The following ANK3 variants were observed in gnomAD, a reference collection of about 807,000 sequenced individuals.
The protein encoded by ANK3 is ankyrin-3.
Under a neutral mutation model 370.9 loss-of-function variants are expected in ANK3, and 57 were observed. The ratio of observed to expected loss-of-function variants is 0.15; its 90% CI spans 0.12 to 0.19. The LOEUF is 0.19. Among genes scored for constraint, ANK3 ranks in the 10% least tolerant of loss-of-function variants. The pLI is 1.00. For missense variants in ANK3, 4,439 were observed against 5,302.1 expected, an observed-to-expected ratio of 0.84 and a Z score of 5.06; for synonymous variants, 1,929 against 1,946.3, an observed-to-expected ratio of 0.99 and a Z score of 0.23.
intron 1 of ANK3, among the ~76,000 whole-genome samples, chr10:60,687,370 A>C (rs1221715371): frequency 6.6e-6 from 1 of 152,194 alleles, no homozygotes; most frequent in African/African-American, 2.4e-5. Context: ...TAGGAACCTG[A>C]TTTTACAATG....
At chr10:60,453,670 C>CT (rs989184394) in intron 2 of ANK3, among the ~76,000 whole-genome samples, 4 of 151,626 alleles carry the variant, frequency 2.6e-5, no homozygotes, top group African/African-American at 4.8e-5. Context: ...GAAAATGGAC[C>CT]TTTTTTTTGA....
At chr10:60,614,297 G>GA (rs777083824) in intron 2 of ANK3, among the ~76,000 whole-genome samples, 13 of 152,002 alleles carry the variant, frequency 8.6e-5, no homozygotes, top group Non-Finnish European at 1.5e-4. Context: ...GACATCTTAG[G>GA]AAAAAATAAT....
At chr10:60,558,966 C>T (rs1015088837) in intron 2 of ANK3, among the ~76,000 whole-genome samples, 1 of 152,094 alleles carries the variant, frequency 6.6e-6, no homozygotes, top group East Asian at 1.9e-4. Context: ...ATTAGGATGG[C>T]AAAAATTCTG....
chr10:60,134,417 TGAG>T, intron 24 of ANK3, 44 bp from the exon 25 acceptor site: 1 of 1,476,928 alleles, frequency 6.8e-7, no homozygotes, highest in Non-Finnish European at 9.3e-7. Context: ...TAGATGATGA[TGAG>T]ATGAATAAAA....
At chr10:60,556,226 C>G (rs1321170341) in intron 2 of ANK3, among the ~76,000 whole-genome samples, 1 of 152,192 alleles carries the variant, frequency 6.6e-6, no homozygotes, top group East Asian at 1.9e-4. Context: ...TCTTAAACCT[C>G]TGAATTACTT....
At chr10:60,383,508 A>C (rs1297649942) in intron 1 of ANK3, among the ~76,000 whole-genome samples, 1 of 152,164 alleles carries the variant, frequency 6.6e-6, no homozygotes, top group Non-Finnish European at 1.5e-5. Context: ...TAATCATTAC[A>C]TGATACTGCC....
At chr10:60,415,923 A>ACCCC (rs60397919) in intron 2 of ANK3, among the ~76,000 whole-genome samples, 4 of 62,710 alleles carry the variant, frequency 6.4e-5, no homozygotes, top group Admixed American at 1.7e-4. Flanking sequence ...TGTGCCCCCC[A>ACCCC]CCCCCCCGCC....
intron 33 of ANK3, among the ~76,000 whole-genome samples, 180 bp from the exon 34 acceptor site, chr10:60,082,917 T>C (rs2132009673): frequency 1.3e-5 from 2 of 152,256 alleles, no homozygotes; most frequent in Middle Eastern, 6.8e-3. Flanking sequence ...TCAGCAAGAG[T>C]TAGATGCCCG....
chr10:60,176,477 C>G (rs1462853693), intron 18 of ANK3, among the ~76,000 whole-genome samples: 1 of 152,004 alleles, frequency 6.6e-6, no homozygotes, highest in African/African-American at 2.4e-5. Flanking sequence ...ATTTTGCTAA[C>G]CAGGCCAGGC....
intron 16 of ANK3, among the ~76,000 whole-genome samples, chr10:60,191,625 G>GT (rs2096483345): frequency 6.6e-6 from 1 of 152,158 alleles, no homozygotes; most frequent in African/African-American, 2.4e-5. Context: ...TACACTGTTA[G>GT]TAGGAACGTA....
chr10:60,463,912 G>A (rs1290605644), intron 2 of ANK3, among the ~76,000 whole-genome samples: 2 of 152,082 alleles, frequency 1.3e-5, no homozygotes, highest in African/African-American at 4.8e-5. Flanking sequence ...ATTCCACCAA[G>A]AAGACATTTT....
chr10:60,385,465 G>A (rs1407306363), intron 1 of ANK3, among the ~76,000 whole-genome samples: 1 of 151,958 alleles, frequency 6.6e-6, no homozygotes, highest in Admixed American at 6.6e-5. Flanking sequence ...CCTCTTCTGG[G>A]TGTTACTGTA....
intron 2 of ANK3, among the ~76,000 whole-genome samples, chr10:60,446,338 C>A (rs1376621302): frequency 6.6e-6 from 1 of 152,140 alleles, no homozygotes; most frequent in Non-Finnish European, 1.5e-5. Flanking sequence ...TTATGCCCTG[C>A]AAATTTACTC....
rs1297883906 is a variant in ANK3, at chr10:60,027,827, G to C, written c.*2019C>G. 4 of 152,162 alleles carry C rather than the reference G, an allele frequency of 2.6e-5. No homozygotes were observed. Among genetic ancestry groups the C allele is most frequent in the African/African-American group, 9.7e-5 (4 of 41,440 alleles). 9.4% of individuals were successfully genotyped at this position (152,162 alleles called of 1,614,324 possible). ...TGTATGGGTTGCAAATTCACAGTCA[G>C]GTTGTACAAATATAAGAAATGAGGC... is the stretch of plus-strand genomic sequence containing the variant. On this transcript the variant is annotated 3_prime_UTR_variant, in exon 44 of 44. Coordinates refer to ENST00000280772, the MANE Select transcript of ANK3 (RefSeq NM_020987.5).
chr10:60,473,047 T>A (rs1221520264), intron 2 of ANK3, among the ~76,000 whole-genome samples: 2 of 152,066 alleles, frequency 1.3e-5, no homozygotes, highest in Non-Finnish European at 2.9e-5. Context: ...CACTTGAGAG[T>A]ATTTTGAGCA....
rs187322573 is a variant in ANK3 at position 60,354,098 on chromosome 10, A to G, written c.114+35327T>C. On this transcript the variant is annotated intron_variant, in intron 1 of 43. Coordinates refer to ENST00000280772, the MANE Select transcript of ANK3 (RefSeq NM_020987.5). ...GTTCCATCCCACCTTCTCCAATACA[A>G]TCAGCTAGACTTGACCACTGAGTAC... is the stretch of plus-strand genomic sequence containing the variant. 3.3e-5 allele frequency among the ~76,000 whole-genome samples: 5 copies of G among 152,308 alleles called. No individual in the cohort carries two copies. In the East Asian group the frequency reaches 5.8e-4, roughly 18 times the overall value.
At chr10:60,030,821 T>C (rs1030303458) in intron 43 of ANK3, among the ~76,000 whole-genome samples, 1 of 152,234 alleles carries the variant, frequency 6.6e-6, no homozygotes, top group African/African-American at 2.4e-5. Context: ...CTGTCCATTG[T>C]GCACGGGCAA....
At chr10:60,257,062 A>T (rs1368085746) in intron 7 of ANK3, among the ~76,000 whole-genome samples, 1 of 152,348 alleles carries the variant, frequency 6.6e-6, no homozygotes, top group African/African-American at 2.4e-5. Flanking sequence ...TTTGTGGCTG[A>T]ACTAATTTAC....
chr10:60,375,483 A>T (rs2060649501), intron 1 of ANK3, among the ~76,000 whole-genome samples: 1 of 151,654 alleles, frequency 6.6e-6, no homozygotes, highest in South Asian at 2.1e-4. Flanking sequence ...AAGGTAACCC[A>T]TTAAGGCCTG....
Sources: allele counts gnomAD v4.1 joint callset (sites outside exome capture counted in the v4.1 genomes callset), GRCh38; gene constraint gnomAD v4.1.1; transcripts MANE v1.5; gene names NCBI Gene and HGNC (gene_info 2026-07-23, HGNC 2026-07-21).